The following TRAPPC9 variants were observed in gnomAD, a reference collection of about 807,000 sequenced individuals.
TRAPPC9 encodes trafficking protein particle complex subunit 9, also known as IKK2 binding protein.
In TRAPPC9, 83 loss-of-function variants were observed where a neutral mutation model predicts 124.0. The observed-to-expected ratio is 0.67, with a 90% CI of 0.56 to 0.80. TRAPPC9 has a LOEUF of 0.80. Ranked by LOEUF, TRAPPC9 falls within the 30% of genes least tolerant of loss-of-function variation. The pLI, the probability that TRAPPC9 is intolerant of heterozygous loss-of-function variation, is 0.00. For missense variants in TRAPPC9, 1,302 were observed against 1,508.3 expected (o/e 0.86, Z 2.27); for synonymous variants, 638 against 617.5 (o/e 1.03, Z -0.49).
At chr8:140,348,562 CCA>C (rs1330537400) in intron 9 of TRAPPC9, among the ~76,000 whole-genome samples, 1 of 152,096 alleles carries the variant, frequency 6.6e-6, no homozygotes, top group Non-Finnish European at 1.5e-5. Flanking sequence ...AAGATGTTCA[CCA>C]CAGTGTTATC....
intron 17 of TRAPPC9, among the ~76,000 whole-genome samples, chr8:140,071,513 G>A (rs192707948): frequency 2.0e-5 from 3 of 152,310 alleles, no homozygotes; most frequent in African/African-American, 7.2e-5. Flanking sequence ...TGATACTGGA[G>A]GAAGGCACAA....
intron 6 of TRAPPC9, 193 bp downstream of exon 6, chr8:140,405,384 T>C (rs773161351): frequency 5.3e-6 from 3 of 568,530 alleles, no homozygotes; most frequent in South Asian, 2.3e-5. Flanking sequence ...AAATTTATTA[T>C]ACTAAACCTA....
At chr8:139,945,947 C>T (rs906831084) in intron 19 of TRAPPC9, among the ~76,000 whole-genome samples, 2 of 152,180 alleles carry the variant, frequency 1.3e-5, no homozygotes, top group Non-Finnish European at 2.9e-5. Flanking sequence ...AGTAGTGGTA[C>T]AATCACTGCT....
chr8:140,287,762 C>G, intron 12 of TRAPPC9, 28 bp from the exon 13 acceptor site: 2 of 1,613,844 alleles, frequency 1.2e-6, no homozygotes, highest in Non-Finnish European at 1.7e-6. Flanking sequence ...GCATCGTAAG[C>G]CCGGAGCAAA....
chr8:139,970,879 G>A (rs1836016141), intron 19 of TRAPPC9, among the ~76,000 whole-genome samples: 1 of 152,030 alleles, frequency 6.6e-6, no homozygotes, highest in Non-Finnish European at 1.5e-5. Flanking sequence ...GGGGCCACGT[G>A]GCTAGACAAC....
chr8:139,897,548 T>C (rs1448913042), intron 20 of TRAPPC9, among the ~76,000 whole-genome samples: 1 of 152,216 alleles, frequency 6.6e-6, no homozygotes, highest in Non-Finnish European at 1.5e-5. Context: ...AGAGGCTCCA[T>C]AAATGCCTGC....
chr8:140,011,298 T>C (rs1839099932), intron 18 of TRAPPC9, among the ~76,000 whole-genome samples: 1 of 151,670 alleles, frequency 6.6e-6, no homozygotes, highest in African/African-American at 2.4e-5. Flanking sequence ...GCCAAGATTG[T>C]ACCACTGCAC....
intron 6 of TRAPPC9, among the ~76,000 whole-genome samples, chr8:140,400,673 T>C (rs879482384): frequency 6.6e-6 from 1 of 152,174 alleles, no homozygotes; most frequent in Admixed American, 6.6e-5. Flanking sequence ...GGAGTATCTC[T>C]TAAGCTTCAT....
At chr8:139,990,540 G>A (rs114275004) in intron 18 of TRAPPC9, among the ~76,000 whole-genome samples, 1,611 of 152,120 alleles carry the variant, frequency 0.011, 29 homozygotes, top group African/African-American at 0.037. Flanking sequence ...TTCAGAACGT[G>A]GGCGTGTGAC....
At chr8:139,779,326 A>T (rs1373546266) in intron 21 of TRAPPC9, among the ~76,000 whole-genome samples, 2 of 152,222 alleles carry the variant, frequency 1.3e-5, no homozygotes, top group Admixed American at 6.5e-5. Context: ...GAAGGCATTC[A>T]GCAGCAGCAG....
At chr8:139,785,622 G>A (rs554615379) in intron 21 of TRAPPC9, among the ~76,000 whole-genome samples, 85 of 151,298 alleles carry the variant, frequency 5.6e-4, no homozygotes, top group African/African-American at 2.0e-3. Flanking sequence ...CCAGCTACTC[G>A]GGAGGCTGAG....
At chr8:140,100,879 G>T (rs1046281316) in intron 17 of TRAPPC9, among the ~76,000 whole-genome samples, 1 of 152,208 alleles carries the variant, frequency 6.6e-6, no homozygotes, top group African/African-American at 2.4e-5. Flanking sequence ...GTTCGGAGGC[G>T]TCAGCGCTAA....
chr8:140,319,107 T>C (rs2066519959), intron 9 of TRAPPC9, among the ~76,000 whole-genome samples: 1 of 151,978 alleles, frequency 6.6e-6, no homozygotes, highest in Non-Finnish European at 1.5e-5. Context: ...CCATTTTTGA[T>C]CAGATTATCC....
chr8:139,785,097 A>G (rs1822131235), intron 21 of TRAPPC9, among the ~76,000 whole-genome samples: 4 of 152,232 alleles, frequency 2.6e-5, no homozygotes, highest in Admixed American at 2.6e-4. Context: ...ATTAAAACAG[A>G]ATAAATAGTC....
intron 5 of TRAPPC9, among the ~76,000 whole-genome samples, chr8:140,424,240 T>C (rs2070343973): frequency 6.6e-6 from 1 of 151,830 alleles, no homozygotes; most frequent in Non-Finnish European, 1.5e-5. Flanking sequence ...GAAGAAACTC[T>C]CCTCCACATG....
chr8:140,050,792 C>A (rs1160194549), intron 17 of TRAPPC9, among the ~76,000 whole-genome samples: 4 of 152,132 alleles, frequency 2.6e-5, no homozygotes, highest in Non-Finnish European at 4.4e-5. Flanking sequence ...GAACAACCCA[C>A]CGACAACCCC....
intron 7 of TRAPPC9, among the ~76,000 whole-genome samples, chr8:140,379,349 T>C (rs1230256130): frequency 1.1e-4 from 16 of 152,198 alleles, no homozygotes; most frequent in Admixed American, 1.0e-3. Context: ...CTTTTCTTAT[T>C]TATGTGCGAC....
intron 17 of TRAPPC9, among the ~76,000 whole-genome samples, chr8:140,080,170 G>A (rs1015479015): frequency 6.6e-6 from 1 of 152,180 alleles, no homozygotes; most frequent in Non-Finnish European, 1.5e-5. Context: ...CACATACATG[G>A]TCAGTGATGA....
rs183113005 is a variant in TRAPPC9, at chr8:140,326,694, G to A, written c.1496-15320C>T. Reference sequence around the variant, plus strand: ...AGTTCAAAACCAGTCTGAGCAACACGAGACTTTGTCTCTAATAAAATTCAA... The same window carrying A: ...AGTTCAAAACCAGTCTGAGCAACACAAGACTTTGTCTCTAATAAAATTCAA... On this transcript the variant is annotated intron_variant, in intron 9 of 22. Coordinates refer to ENST00000438773, the MANE Select transcript of TRAPPC9 (RefSeq NM_001160372.4). Among the ~76,000 whole-genome samples the A allele has an allele frequency of 2.6e-5, 4 of 152,142 alleles. 1 individual carries two copies. Among genetic ancestry groups the A allele is most frequent in the South Asian group, 2.1e-4 (1 of 4,818 alleles).
Sources: allele counts gnomAD v4.1 joint callset (sites outside exome capture counted in the v4.1 genomes callset), GRCh38; gene constraint gnomAD v4.1.1; transcripts MANE v1.5; gene names NCBI Gene and HGNC (gene_info 2026-07-23, HGNC 2026-07-21).